AP3B1: variants seen among roughly 807,000 people sequenced by gnomAD.
AP3B1 encodes adaptor related protein complex 3 subunit beta 1.
Under a neutral mutation model 132.5 loss-of-function variants are expected in AP3B1, and 61 were observed. The ratio of observed to expected loss-of-function variants is 0.46; its 90% CI spans 0.37 to 0.57. AP3B1 has a LOEUF of 0.57. Ranked by LOEUF, AP3B1 falls within the 20% of genes least tolerant of loss-of-function variation. The pLI, the probability that AP3B1 is intolerant of heterozygous loss-of-function variation, is 0.00. For synonymous variants in AP3B1, 388 were observed against 438.3 expected (o/e 0.89, Z 1.43); for missense variants, 1,120 against 1,289.4 (o/e 0.87, Z 2.01).
chr5:78,024,632 T>A (rs1278043248), intron 24 of AP3B1, among the ~76,000 whole-genome samples: 1 of 147,762 alleles, frequency 6.8e-6, no homozygotes, highest in African/African-American at 2.5e-5. Flanking sequence ...TGGTGCAATC[T>A]CGGCTCACTG....
chr5:78,165,024 G>A (rs1743550098), intron 12 of AP3B1, among the ~76,000 whole-genome samples: 1 of 152,128 alleles, frequency 6.6e-6, no homozygotes, highest in South Asian at 2.1e-4. Context: ...CTTCAGAGAT[G>A]ACCTTTCCAT....
At chr5:78,098,193 T>C (rs1025706435) in intron 21 of AP3B1, among the ~76,000 whole-genome samples, 6 of 151,814 alleles carry the variant, frequency 4.0e-5, no homozygotes, top group Non-Finnish European at 8.8e-5. Context: ...CTTTGTTCAC[T>C]TGTTTATCTG....
chr5:78,083,457 T>C lies in AP3B1; in HGVS notation c.2577+5936A>G, dbSNP rs74938852. Among the ~76,000 whole-genome samples, 319 of 152,308 alleles carry C rather than the reference T, an allele frequency of 2.1e-3. 1 individual carries two copies. Among genetic ancestry groups the C allele is most frequent in the African/African-American group, 7.1e-3 (296 of 41,568 alleles). On this transcript the variant is annotated intron_variant, in intron 22 of 26. Coordinates refer to ENST00000255194, the MANE Select transcript of AP3B1 (RefSeq NM_003664.5). ...ATTTATTCTTACACACAAAATTGTC[T>C]TTTTTCCCCCTATTCTTTTTTCATC...
chr5:78,071,370 G>A lies in AP3B1; in HGVS notation c.2577+18023C>T, dbSNP rs1270150712. Among the ~76,000 whole-genome samples, 4 of 152,136 alleles carry A rather than the reference G, an allele frequency of 2.6e-5. No individual in the cohort carries two copies. The East Asian group carries it at 5.8e-4, about 22-fold the overall frequency. Reference sequence around the variant, plus strand: ...GGGAGCTGAACAATGAGAACACATGGACACAGGGAATGGAACAACACCCAC... The same window carrying A: ...GGGAGCTGAACAATGAGAACACATGAACACAGGGAATGGAACAACACCCAC... On this transcript the variant is annotated intron_variant, in intron 22 of 26. Transcript: ENST00000255194.
At chr5:78,075,782 T>G (rs977598874) in intron 22 of AP3B1, among the ~76,000 whole-genome samples, 2 of 152,264 alleles carry the variant, frequency 1.3e-5, no homozygotes, top group Non-Finnish European at 2.9e-5. Flanking sequence ...TTGGTCATGC[T>G]GCCAAACTTA....
At chr5:78,103,421 G>C (rs545712844) in intron 20 of AP3B1, among the ~76,000 whole-genome samples, 146 of 152,264 alleles carry the variant, frequency 9.6e-4, no homozygotes, top group Admixed American at 1.6e-3. Flanking sequence ...TGGAGCTGCA[G>C]AGAAAAGGCA....
intron 14 of AP3B1, among the ~76,000 whole-genome samples, chr5:78,152,718 C>T (rs555063712): frequency 6.6e-6 from 1 of 151,964 alleles, no homozygotes; most frequent in Non-Finnish European, 1.5e-5. Flanking sequence ...TTTGTTATAT[C>T]CCTTAGGTTT....
intron 2 of AP3B1, among the ~76,000 whole-genome samples, chr5:78,259,339 TAG>T (rs1481356785): frequency 1.3e-5 from 2 of 151,482 alleles, no homozygotes; most frequent in East Asian, 1.9e-4. Context: ...CTTATGGACA[TAG>T]AGAGTAGAAG....
intron 7 of AP3B1, among the ~76,000 whole-genome samples, chr5:78,185,045 T>C (rs1423074893): frequency 1.3e-5 from 2 of 152,000 alleles, no homozygotes; most frequent in African/African-American, 4.8e-5. Flanking sequence ...TCAAAAACCA[T>C]GGAGGACAGA....
At chr5:78,293,447 T>A (rs1339102293) in intron 1 of AP3B1, among the ~76,000 whole-genome samples, 1 of 152,220 alleles carries the variant, frequency 6.6e-6, no homozygotes, top group Non-Finnish European at 1.5e-5. Context: ...TATATATGAT[T>A]TTGATCCTCA....
At chr5:78,203,801 C>A (rs1745396478) in intron 7 of AP3B1, among the ~76,000 whole-genome samples, 1 of 152,178 alleles carries the variant, frequency 6.6e-6, no homozygotes, top group Non-Finnish European at 1.5e-5. Flanking sequence ...ACTTTCTACT[C>A]CCTAGACTAG....
chr5:78,006,619 C>T (rs1046645391), intron 26 of AP3B1, among the ~76,000 whole-genome samples: 15 of 152,244 alleles, frequency 9.9e-5, no homozygotes, highest in Admixed American at 2.0e-4. Context: ...GGAGGGACTA[C>T]GGGGAGACCA....
At chr5:78,105,796 T>A (rs1751308136) in intron 20 of AP3B1, among the ~76,000 whole-genome samples, 1 of 152,224 alleles carries the variant, frequency 6.6e-6, no homozygotes. Flanking sequence ...ACTAACAACA[T>A]CTGACCTCAA....
intron 24 of AP3B1, among the ~76,000 whole-genome samples, chr5:78,030,703 G>T (rs77398101): frequency 0.026 from 3,983 of 152,196 alleles, 156 homozygotes; most frequent in East Asian, 0.14. Context: ...TACGGGCAGG[G>T]ATACACTCTG....
rs1746529994 is a variant in AP3B1, at chr5:78,009,498, T to A, written c.3131+5912A>T. Among the ~76,000 whole-genome samples, 5 of 152,074 alleles carry A rather than the reference T, an allele frequency of 3.3e-5. No homozygotes were observed. In the South Asian group the frequency reaches 1.0e-3, roughly 32 times the overall value. On this transcript the variant is annotated intron_variant, in intron 26 of 26. Transcript: ENST00000255194. The stretch of plus-strand genomic sequence containing the variant: ...GAAATGAAACAAGTTGTTCTTTACC[T>A]GTACTTGAATTAAATAATAAGACTT...
chr5:78,235,692 A>G (rs1046121188), intron 3 of AP3B1, among the ~76,000 whole-genome samples: 1 of 152,250 alleles, frequency 6.6e-6, no homozygotes, highest in African/African-American at 2.4e-5. Context: ...ATTCAATGTT[A>G]TAACACTCCT....
intron 1 of AP3B1, among the ~76,000 whole-genome samples, chr5:78,290,897 C>T (rs1749485051): frequency 6.6e-6 from 1 of 152,088 alleles, no homozygotes; most frequent in African/African-American, 2.4e-5. Flanking sequence ...CTGCAGTGAG[C>T]CATGATCACA....
chr5:78,126,975 A>T (rs1752489895), intron 17 of AP3B1, among the ~76,000 whole-genome samples: 1 of 152,248 alleles, frequency 6.6e-6, no homozygotes, highest in African/African-American at 2.4e-5. Context: ...TAGTTTTTAT[A>T]AAACATTATC....
chr5:78,236,690 A>G (rs1746893390), intron 3 of AP3B1, among the ~76,000 whole-genome samples: 1 of 152,226 alleles, frequency 6.6e-6, no homozygotes, highest in Non-Finnish European at 1.5e-5. Context: ...CCTTGGTCAG[A>G]CAGGTTTTTT....
Sources: gnomAD v4.1 joint callset for allele counts (sites outside exome capture counted in the v4.1 genomes callset) on GRCh38, gnomAD v4.1.1 for gene constraint, MANE v1.5 for transcripts, NCBI Gene and HGNC (gene_info 2026-07-23, HGNC 2026-07-21) for gene names.